Variants in MACF1 observed in about 807,000 individuals in gnomAD.
MACF1 encodes the protein microtubule actin crosslinking factor 1, also known as microtubule-actin cross-linking factor 1.
A neutral mutation model predicts 854.8 loss-of-function variants in MACF1; 193 were observed. That is an observed-to-expected ratio of 0.23 (90% confidence interval 0.20 to 0.25). MACF1 has a LOEUF of 0.25. Ranked by LOEUF, MACF1 falls within the 10% of genes least tolerant of loss-of-function variation. The probability of loss-of-function intolerance (pLI) is 1.00; values close to 1 mark genes in which losing one functional copy is unlikely to be tolerated. For missense variants in MACF1, 7,722 were observed against 8,929.1 expected, an observed-to-expected ratio of 0.86 and a Z score of 5.45; for synonymous variants, 3,185 against 3,226.7, an observed-to-expected ratio of 0.99 and a Z score of 0.44.
Position 39,350,884 on chromosome 1 carries a change from C to T in MACF1, c.11065C>T (p.Arg3689Cys), listed in dbSNP as rs537533581. ...AGAGAATCAGACCAAGCTGAGCCCA[C>T]GTGAGTTGACAGCTCTTCGGGAAAA... Reference protein sequence around the residue: ...MEENQTKLSPRELTALREKLH... With the variant: ...MEENQTKLSPCELTALREKLH... Residue 3689 changes from arginine (R) to cysteine (C), a missense_variant, in exon 43 of 101, where the codon CGT (arginine) becomes TGT (cysteine). Physicochemically the swap from Arg to Cys is radical, Grantham distance 180 (BLOSUM62 -3). Coordinates refer to ENST00000564288, the MANE Select transcript of MACF1 (RefSeq NM_001394062.1). 45 of 1,613,990 alleles carry T rather than the reference C, an allele frequency of 2.8e-5. No individual in the cohort carries two copies. Among genetic ancestry groups the T allele is most frequent in the African/African-American group, 9.3e-5 (7 of 75,010 alleles).
chr1:39,102,057 T>G (rs1029928267), intron 2 of MACF1, among the ~76,000 whole-genome samples: 4 of 150,926 alleles, frequency 2.7e-5, no homozygotes, highest in Non-Finnish European at 5.9e-5. Context: ...GCGCCTGTAG[T>G]CCCAGCTACT....
chr1:39,316,422 A>G lies in MACF1; in HGVS notation c.3481A>G (p.Ile1161Val), dbSNP rs749398419. 1 of 1,613,938 alleles carries G rather than the reference A, an allele frequency of 6.2e-7. No individual in the cohort carries two copies. Among genetic ancestry groups the G allele is most frequent in the South Asian group, 1.1e-5 (1 of 91,038 alleles). The stretch of plus-strand genomic sequence containing the variant: ...GACAGTTGATGTTATAGTACGTAGC[A>G]TACAGGATGCTGAACTCTTGGTCAA... ...LKTVDVIVRS[I>V]QDAELLVKGY... Residue 1161 changes from isoleucine to valine, a missense_variant, in exon 28 of 101, where the codon ATA becomes GTA. This residue lies in a region of MACF1 where 1,137 missense variants were observed against 1,263.0 expected (regional missense o/e 0.90). Coordinates refer to ENST00000564288, the MANE Select transcript of MACF1 (RefSeq NM_001394062.1).
chr1:39,101,056 T>C (rs2182024), intron 2 of MACF1, among the ~76,000 whole-genome samples: 11,876 of 150,566 alleles, frequency 0.079, 531 homozygotes, highest in Non-Finnish European at 0.094. Flanking sequence ...CCACCATGCA[T>C]AGCATTAAAG....
At chr1:39,341,955 C>A (rs1646944497) in intron 40 of MACF1, among the ~76,000 whole-genome samples, 1 of 151,848 alleles carries the variant, frequency 6.6e-6, no homozygotes, top group African/African-American at 2.4e-5. Flanking sequence ...TATAGGTAAA[C>A]TGCATGTCAT....
intron 58 of MACF1, among the ~76,000 whole-genome samples, chr1:39,400,578 C>A (rs1642439601): frequency 6.6e-6 from 1 of 151,864 alleles, no homozygotes; most frequent in African/African-American, 2.4e-5. Context: ...ATGATCATGG[C>A]TCACTGCAGC....
chr1:39,469,525 G>A (rs1364338883), intron 96 of MACF1, 22 bp from the exon 97 acceptor site: 1 of 1,534,450 alleles, frequency 6.5e-7, no homozygotes, highest in Non-Finnish European at 8.8e-7. Context: ...GTTTCTTTCT[G>A]TTTACGTATT....
chr1:39,345,636 A>G (rs1647027896), intron 40 of MACF1, among the ~76,000 whole-genome samples: 1 of 152,164 alleles, frequency 6.6e-6, no homozygotes, highest in African/African-American at 2.4e-5. Context: ...AGCGAATCAT[A>G]AACAAATTAT....
intron 58 of MACF1, among the ~76,000 whole-genome samples, chr1:39,408,431 G>C (rs752026632): frequency 2.6e-5 from 4 of 152,222 alleles, no homozygotes; most frequent in Non-Finnish European, 5.9e-5. Flanking sequence ...CGCGCTAAAG[G>C]TGACACTGGA....
chr1:39,315,809 C>A, intron 27 of MACF1, 118 bp downstream of exon 27: 1 of 1,005,592 alleles, frequency 9.9e-7, no homozygotes. Flanking sequence ...AGAGCATATA[C>A]TGATAATGAG....
intron 6 of MACF1, among the ~76,000 whole-genome samples, chr1:39,261,818 C>A (rs1174792225): frequency 1.3e-5 from 2 of 152,082 alleles, no homozygotes; most frequent in African/African-American, 4.8e-5. Flanking sequence ...CATGTATATA[C>A]CTAGGAATGG....
At chr1:39,377,687 T>C (rs1314540971) in intron 52 of MACF1, among the ~76,000 whole-genome samples, 2 of 152,200 alleles carry the variant, frequency 1.3e-5, no homozygotes, top group Non-Finnish European at 2.9e-5. Context: ...GAAGGGCTCA[T>C]TTTAATGTCT....
chr1:39,438,582 C>T (rs1257632603), intron 71 of MACF1, among the ~76,000 whole-genome samples: 3 of 152,062 alleles, frequency 2.0e-5, no homozygotes, highest in Non-Finnish European at 4.4e-5. Flanking sequence ...GCCAGGAGTT[C>T]GAGACCAGCC....
chr1:39,184,980 C>A (rs1644148086), intron 2 of MACF1, among the ~76,000 whole-genome samples: 1 of 152,214 alleles, frequency 6.6e-6, no homozygotes, highest in Non-Finnish European at 1.5e-5. Flanking sequence ...GTAGAAGATA[C>A]TACCTCTCTT....
Position 39,335,670 on chromosome 1 carries a change from G to A in MACF1, c.9082G>A (p.Glu3028Lys). The A allele has an allele frequency of 4.3e-6, 7 of 1,614,092 alleles. 1 individual carries two copies. Among genetic ancestry groups the A allele is most frequent in the East Asian group, 2.2e-5 (1 of 44,874 alleles). ...AATGACCTCAAGTGAAAAAGGGAAAGAAGCTGATACAGAAATGGGATTTTC... is the reference window on the plus strand; with the variant it reads ...AATGACCTCAAGTGAAAAAGGGAAAAAAGCTGATACAGAAATGGGATTTTC... ...REMTSSEKGK[E>K]ADTEMGFSIT... is the part of the protein sequence containing the mutation. Residue 3028 changes from glutamate (E) to lysine (K), a missense_variant, in exon 37 of 101, where the codon GAA (glutamate) becomes AAA (lysine). Physicochemically the swap from Glu to Lys is moderately conservative, Grantham distance 56. Transcript: ENST00000564288.
intron 84 of MACF1, among the ~76,000 whole-genome samples, chr1:39,449,749 C>T (rs1305538468): frequency 2.0e-5 from 3 of 149,802 alleles, no homozygotes; most frequent in Admixed American, 6.6e-5. Flanking sequence ...CTGGCCCAGG[C>T]TGGAGTGCAG....
intron 2 of MACF1, among the ~76,000 whole-genome samples, chr1:39,144,562 C>T (rs1055930105): frequency 6.6e-6 from 1 of 152,154 alleles, no homozygotes; most frequent in Non-Finnish European, 1.5e-5. Context: ...CATTGGAATT[C>T]CCTTCTAACA....
chr1:39,110,142 T>C (rs563351382), intron 2 of MACF1, among the ~76,000 whole-genome samples: 1 of 152,134 alleles, frequency 6.6e-6, no homozygotes, highest in African/African-American at 2.4e-5. Context: ...GGTTGAGGAT[T>C]TGGGATTGTT....
At chr1:39,252,167 G>GAAAAA (rs1645047295) in intron 4 of MACF1, among the ~76,000 whole-genome samples, 2 of 152,186 alleles carry the variant, frequency 1.3e-5, no homozygotes, top group African/African-American at 4.8e-5. Context: ...GAGAAGGGTT[G>GAAAAA]GCACAAAAAG....
chr1:39,115,578 A>G (rs982041173), intron 2 of MACF1, among the ~76,000 whole-genome samples: 1 of 152,044 alleles, frequency 6.6e-6, no homozygotes, highest in Non-Finnish European at 1.5e-5. Context: ...CTTCTGAGGG[A>G]TGCTAGGTAG....
Sources: gnomAD v4.1 joint callset for allele counts (sites outside exome capture counted in the v4.1 genomes callset) on GRCh38, gnomAD v4.1.1 for gene constraint, gnomAD v4.1.1 regional missense constraint, MANE v1.5 for transcripts, NCBI Gene and HGNC (gene_info 2026-07-23, HGNC 2026-07-21) for gene names.